FRMD4B: variants seen among roughly 807,000 people sequenced by gnomAD.
FRMD4B encodes FERM domain containing 4B.
A neutral mutation model predicts 141.5 loss-of-function variants in FRMD4B; 74 were observed. That is an observed-to-expected ratio of 0.52 (90% CI 0.43 to 0.63). The LOEUF (loss-of-function observed/expected upper bound fraction) is 0.63, where lower values mean the gene tolerates loss of function less well. Among genes scored for constraint, FRMD4B ranks in the 30% least tolerant of loss-of-function variants. The probability of loss-of-function intolerance (pLI) is 0.00; values close to 1 mark genes in which losing one functional copy is unlikely to be tolerated. For synonymous variants in FRMD4B, 506 were observed against 467.9 expected (o/e 1.08, Z -1.05); for missense variants, 1,366 against 1,253.4 (o/e 1.09, Z -1.36).
intron 11 of FRMD4B, among the ~76,000 whole-genome samples, chr3:69,205,475 C>G (rs971699861): frequency 2.6e-5 from 4 of 152,086 alleles, no homozygotes; most frequent in African/African-American, 9.7e-5. Context: ...TCCTAAAGTG[C>G]TGGGATTATA....
chr3:69,390,965 AAC>A (rs1704370643), upstream of FRMD4B, among the ~76,000 whole-genome samples: 1 of 152,192 alleles, frequency 6.6e-6, no homozygotes, highest in South Asian at 2.1e-4. Flanking sequence ...GTTGTGGAGA[AAC>A]AGTCTTCCCT....
chr3:69,464,913 C>A (rs184772787), intron 1 of FRMD4B, among the ~76,000 whole-genome samples: 107 of 152,254 alleles, frequency 7.0e-4, no homozygotes, highest in South Asian at 2.1e-3. Flanking sequence ...TCTTCAATGT[C>A]TAAACTGCAA....
Position 69,338,641 on chromosome 3 carries a change from A to G in FRMD4B, c.163-25124T>C, listed in dbSNP as rs1028571496. ...AGTGGGAGCTAAACATTGAGTACAC[A>G]TGGACACAAAGAAGGGAACAACAGA... On this transcript the variant is annotated intron_variant, in intron 1 of 22. Transcript: ENST00000398540. Among the ~76,000 whole-genome samples, 23 of 152,288 alleles carry G rather than the reference A, an allele frequency of 1.5e-4. No homozygotes were observed. In the South Asian group the frequency reaches 3.3e-3, roughly 22 times the overall value.
intron 1 of FRMD4B, among the ~76,000 whole-genome samples, chr3:69,489,067 G>T (rs550837837): frequency 2.0e-5 from 3 of 151,890 alleles, no homozygotes; most frequent in African/African-American, 7.2e-5. Flanking sequence ...AAAATTTTGT[G>T]CTTCCAAGGA....
chr3:69,347,539 G>C (rs1438716024), intron 1 of FRMD4B, among the ~76,000 whole-genome samples: 1 of 152,160 alleles, frequency 6.6e-6, no homozygotes, highest in Admixed American at 6.5e-5. Context: ...ATTCTTCTCA[G>C]CACCACATTG....
At chr3:69,522,273 T>C (rs1405488484) in intron 1 of FRMD4B, among the ~76,000 whole-genome samples, 1 of 152,070 alleles carries the variant, frequency 6.6e-6, no homozygotes, top group Non-Finnish European at 1.5e-5. Flanking sequence ...AGAGAAATTT[T>C]GATTCATAAC....
At chr3:69,338,708 G>A (rs968568925) in intron 1 of FRMD4B, among the ~76,000 whole-genome samples, 2 of 151,990 alleles carry the variant, frequency 1.3e-5, no homozygotes, top group East Asian at 1.9e-4. Flanking sequence ...AGGAGGGTGA[G>A]GATCAAAAAT....
At chr3:69,277,516 C>CTTTTTTTTT (rs55745266) in intron 5 of FRMD4B, among the ~76,000 whole-genome samples, 1 of 60,438 alleles carries the variant, frequency 1.7e-5, no homozygotes. Flanking sequence ...TTTCTTTCTG[C>CTTTTTTTTT]TTTTTTTTTT....
intron 1 of FRMD4B, among the ~76,000 whole-genome samples, chr3:69,456,255 A>G (rs77580476): frequency 1.6e-4 from 22 of 141,316 alleles, no homozygotes; most frequent in South Asian, 2.3e-4. Flanking sequence ...ACAAAGTAAG[A>G]AAAAAAACGC....
At chr3:69,283,067 G>A (rs1301662663) in intron 5 of FRMD4B, among the ~76,000 whole-genome samples, 2 of 152,078 alleles carry the variant, frequency 1.3e-5, no homozygotes, top group Non-Finnish European at 2.9e-5. Flanking sequence ...TATTTGACAA[G>A]TCATGAAACA....
At chr3:69,387,134 T>G (rs1704276986), upstream of FRMD4B, among the ~76,000 whole-genome samples, 1 of 152,200 alleles carries the variant, frequency 6.6e-6, no homozygotes, top group Admixed American at 6.5e-5. Context: ...CACCAGTCTC[T>G]GTCTTCCTTT....
At chr3:69,407,077 T>G (rs541080404) in intron 2 of FRMD4B, among the ~76,000 whole-genome samples, 27 of 152,032 alleles carry the variant, frequency 1.8e-4, no homozygotes, top group African/African-American at 6.3e-4. Context: ...TTTGCACCAG[T>G]GTTTGAAGAG....
At chr3:69,303,165 T>A (rs189802794) in intron 3 of FRMD4B, among the ~76,000 whole-genome samples, 1 of 73,488 alleles carries the variant, frequency 1.4e-5, no homozygotes, top group East Asian at 2.0e-4. Flanking sequence ...TAAAATAGGC[T>A]GAAGAACACG....
intron 17 of FRMD4B, among the ~76,000 whole-genome samples, chr3:69,191,553 T>C (rs1377505908): frequency 2.5e-4 from 2 of 7,898 alleles, no homozygotes; most frequent in Admixed American, 3.6e-3. Context: ...TAGGCAAATA[T>C]AATCCTCAAT....
At chr3:69,264,873 C>G (rs572837276) in intron 5 of FRMD4B, among the ~76,000 whole-genome samples, 1 of 152,234 alleles carries the variant, frequency 6.6e-6, no homozygotes, top group Non-Finnish European at 1.5e-5. Flanking sequence ...TTCTCAGAAA[C>G]TTGATCACGA....
At chr3:69,220,948 A>T (rs1300845206) in intron 9 of FRMD4B, among the ~76,000 whole-genome samples, 1 of 151,730 alleles carries the variant, frequency 6.6e-6, no homozygotes, top group Non-Finnish European at 1.5e-5. Flanking sequence ...AAATAATTTT[A>T]AAAGTTTAGT....
intron 1 of FRMD4B, among the ~76,000 whole-genome samples, chr3:69,446,319 A>C (rs9823605): frequency 0.99 from 150,391 of 152,160 alleles, 74,326 homozygotes; most frequent in East Asian, 1. Context: ...AGCCACCGTG[A>C]CTAGCCTACA....
intron 5 of FRMD4B, among the ~76,000 whole-genome samples, chr3:69,269,103 A>G (rs1046358411): frequency 3.3e-5 from 5 of 151,432 alleles, no homozygotes; most frequent in Non-Finnish European, 7.4e-5. Flanking sequence ...TAATTTTTGT[A>G]TTTTTAGTAG....
chr3:69,473,753 A>T (rs9836194), intron 1 of FRMD4B, among the ~76,000 whole-genome samples: 3,731 of 152,272 alleles, frequency 0.025, 167 homozygotes, highest in African/African-American at 0.085. Flanking sequence ...GCTGAATATG[A>T]CATAAAAATT....
Sources: allele counts gnomAD v4.1 joint callset (sites outside exome capture counted in the v4.1 genomes callset), GRCh38; gene constraint gnomAD v4.1.1; transcripts MANE v1.5; gene names NCBI Gene and HGNC (gene_info 2026-07-23, HGNC 2026-07-21).